Variants in SCN8A observed in about 807,000 individuals in gnomAD.
The protein encoded by SCN8A is sodium channel protein type 8 subunit alpha.
Under a neutral mutation model 184.1 loss-of-function variants are expected in SCN8A, and 30 were observed. The ratio of observed to expected loss-of-function variants is 0.16; its 90% CI spans 0.12 to 0.22. The LOEUF is 0.22. Among genes scored for constraint, SCN8A ranks in the 10% least tolerant of loss-of-function variants. SCN8A has a pLI of 1.00. For missense variants in SCN8A, 1,057 were observed against 2,498.9 expected, an observed-to-expected ratio of 0.42 and a Z score of 12.30; for synonymous variants, 852 against 907.0, an observed-to-expected ratio of 0.94 and a Z score of 1.09.
At chr12:51,771,449 G>A (rs1942924539) in intron 19 of SCN8A, among the ~76,000 whole-genome samples, 1 of 151,920 alleles carries the variant, frequency 6.6e-6, no homozygotes, top group African/African-American at 2.4e-5. Flanking sequence ...AAAAAACATA[G>A]CAAGGGAGAA....
chr12:51,760,595 A>T (rs139974876), intron 14 of SCN8A, among the ~76,000 whole-genome samples: 1 of 152,352 alleles, frequency 6.6e-6, no homozygotes, highest in African/African-American at 2.4e-5. Flanking sequence ...TAGGCAGGCT[A>T]GCATTTCTAT....
chr12:51,754,032 A>G (rs959889336), intron 14 of SCN8A, among the ~76,000 whole-genome samples: 1 of 152,170 alleles, frequency 6.6e-6, no homozygotes, highest in Non-Finnish European at 1.5e-5. Flanking sequence ...AAAGATGAGA[A>G]CAGTCTTCTG....
chr12:51,663,162 A>G (rs1940959635), intron 2 of SCN8A, 69 bp downstream of exon 2: 4 of 1,545,582 alleles, frequency 2.6e-6, no homozygotes, highest in Middle Eastern at 1.9e-4. Context: ...TGGGGGAGAA[A>G]GAACTGTGTC....
intron 7 of SCN8A, among the ~76,000 whole-genome samples, chr12:51,700,788 T>C (rs546289949): frequency 1.3e-5 from 2 of 152,328 alleles, no homozygotes; most frequent in South Asian, 2.1e-4. Flanking sequence ...AAAGACACGT[T>C]GTAAGGATAG....
At chr12:51,636,999 G>T (rs531969768) in intron 1 of SCN8A, among the ~76,000 whole-genome samples, 1 of 152,180 alleles carries the variant, frequency 6.6e-6, no homozygotes, top group African/African-American at 2.4e-5. Flanking sequence ...TTTTCCAGAA[G>T]CATATGCTCA....
intron 19 of SCN8A, 28 bp from the exon 20 acceptor site, chr12:51,774,161 T>C (rs772131055): frequency 8.7e-6 from 14 of 1,610,654 alleles, no homozygotes. Context: ...TTAGGCACTG[T>C]CATAGGCAGC....
intron 11 of SCN8A, among the ~76,000 whole-genome samples, chr12:51,707,332 TTATTAAG>T (rs1220461120): frequency 6.6e-6 from 1 of 152,040 alleles, no homozygotes; most frequent in Non-Finnish European, 1.5e-5. Flanking sequence ...AAAGGGGAGT[TTATTAAG>T]TATTAACTTA....
At chr12:51,783,805 A>G (rs1179456290) in intron 21 of SCN8A, among the ~76,000 whole-genome samples, 2 of 152,232 alleles carry the variant, frequency 1.3e-5, no homozygotes, top group Non-Finnish European at 2.9e-5. Context: ...ATAATGTCCG[A>G]GACATTATAG....
chr12:51,667,009 A>G (rs1941045923), intron 2 of SCN8A, among the ~76,000 whole-genome samples: 1 of 151,876 alleles, frequency 6.6e-6, no homozygotes, highest in Non-Finnish European at 1.5e-5. Context: ...TCGTTCTAAT[A>G]CCTCCTTTCT....
chr12:51,809,352 C>G lies in SCN8A; in HGVS notation c.*1923C>G, dbSNP rs537115316. ...CCATACACTAGAGGGGGAAGAAGAA[C>G]CAACCCATAATCAGACACACCGATC... On this transcript the variant is annotated 3_prime_UTR_variant, in exon 27 of 27. Coordinates refer to ENST00000627620, the MANE Select transcript of SCN8A (RefSeq NM_001330260.2). 16 of 152,320 alleles carry G rather than the reference C, an allele frequency of 1.1e-4. No homozygotes were observed. The highest frequency in any genetic ancestry group is 3.9e-4 in the African/African-American group (16 of 41,552). 9.4% of individuals were successfully genotyped at this position (152,320 alleles called of 1,614,324 possible). A position where few individuals can be genotyped will look rare whatever the true frequency, so the allele number is the denominator to read the frequency against.
At chr12:51,752,430 A>G (rs1052269277) in intron 14 of SCN8A, among the ~76,000 whole-genome samples, 2 of 151,682 alleles carry the variant, frequency 1.3e-5, no homozygotes, top group Middle Eastern at 6.8e-3. Flanking sequence ...ACACACACAC[A>G]CACACCACAC....
chr12:51,655,122 C>A (rs1465428452), intron 1 of SCN8A, among the ~76,000 whole-genome samples: 1 of 152,104 alleles, frequency 6.6e-6, no homozygotes, highest in Non-Finnish European at 1.5e-5. Context: ...TGGTTTCGAA[C>A]TCCTGGCCTC....
chr12:51,663,090 G>A lies in SCN8A; in HGVS notation c.273G>A (p.Gln91=), dbSNP rs1017697457. 1.9e-6 allele frequency: 3 copies of A among 1,613,252 alleles called. No homozygotes were observed. The highest frequency in any genetic ancestry group is 2.5e-6 in the Non-Finnish European group (3 of 1,179,204). ...LEDFDPYYLT[Q]KTFVVLNRGK... The stretch of plus-strand genomic sequence containing the variant: ...ACTTTGACCCATACTATTTGACGCA[G>A]AAAGTGAGTTGGAGGAGGAGGAGCA... The change falls in exon 2 of 27, where the codon CAG becomes CAA. Residue 91 remains glutamine, a synonymous_variant. Coordinates refer to ENST00000627620, the MANE Select transcript of SCN8A (RefSeq NM_001330260.2).
intron 1 of SCN8A, among the ~76,000 whole-genome samples, chr12:51,635,996 T>TTTTG (rs1309354138): frequency 6.6e-6 from 1 of 152,094 alleles, no homozygotes; most frequent in African/African-American, 2.4e-5. Context: ...GAGTTTTTGT[T>TTTTG]TTTGTTTGTT....
chr12:51,721,021 A>G (rs995163473), intron 11 of SCN8A, among the ~76,000 whole-genome samples: 1 of 148,502 alleles, frequency 6.7e-6, no homozygotes, highest in Non-Finnish European at 1.5e-5. Flanking sequence ...GAGCCAAGAT[A>G]GCGCCACCAC....
intron 1 of SCN8A, among the ~76,000 whole-genome samples, chr12:51,622,422 G>A (rs145946855): frequency 6.6e-6 from 1 of 152,132 alleles, no homozygotes; most frequent in Non-Finnish European, 1.5e-5. Context: ...TGTCTCCTTA[G>A]TCTCTTCTGG....
intron 1 of SCN8A, among the ~76,000 whole-genome samples, chr12:51,661,230 C>T (rs747341230): frequency 4.3e-4 from 66 of 152,192 alleles, no homozygotes; most frequent in Non-Finnish European, 9.0e-4. Context: ...AAAATCCTTA[C>T]AGCTCTGAAT....
intron 25 of SCN8A, 87 bp from the exon 26 acceptor site, chr12:51,794,284 A>G (rs1938347835): frequency 7.6e-7 from 1 of 1,315,878 alleles, no homozygotes; most frequent in Non-Finnish European, 1.1e-6. Context: ...GGGAGAGGGT[A>G]CCTCGATTAG....
chr12:51,673,434 A>G (rs980845765), intron 2 of SCN8A, among the ~76,000 whole-genome samples: 8 of 152,122 alleles, frequency 5.3e-5, no homozygotes, highest in Non-Finnish European at 1.2e-4. Flanking sequence ...CATTTGTTTT[A>G]TACCATACCT....
Sources: allele counts gnomAD v4.1 joint callset (sites outside exome capture counted in the v4.1 genomes callset), GRCh38; gene constraint gnomAD v4.1.1; transcripts MANE v1.5; gene names NCBI Gene and HGNC (gene_info 2026-07-23, HGNC 2026-07-21).